The following MIXL1 variants were observed in gnomAD, a reference collection of about 807,000 sequenced individuals.
MIXL1 encodes the protein Mix paired-like homeobox, also known as homeobox protein MIXL1.
MIXL1 carries 9 observed loss-of-function variants against 9.3 expected under a neutral mutation model. That is an observed-to-expected ratio of 0.97 (90% CI 0.58 to 1.69). The LOEUF (loss-of-function observed/expected upper bound fraction) is 1.69. Among genes scored for constraint, MIXL1 ranks in the 40% most tolerant of loss-of-function variants. MIXL1 has a pLI of 0.00. For missense variants in MIXL1, 330 were observed against 331.7 expected, an observed-to-expected ratio of 0.99 and a Z score of 0.04; for synonymous variants, 164 against 155.6, an observed-to-expected ratio of 1.05 and a Z score of -0.40.
At chr1:226,225,385 A>T in intron 1 of MIXL1, 122 bp from the exon 2 acceptor site, 1 of 1,118,372 alleles carries the variant, frequency 8.9e-7, no homozygotes, top group Non-Finnish European at 1.3e-6. Context: ...CTTTCTGAAG[A>T]CAAGGCTCTG....
In MIXL1 at chr1:226,225,918, C is replaced by T. The variant is rs185129164; in HGVS notation, c.*106C>T. On this transcript the variant is annotated 3_prime_UTR_variant, in exon 2 of 2. Coordinates refer to ENST00000366810, the MANE Select transcript of MIXL1 (RefSeq NM_031944.3). ...CTGACTTCCATGCTAAGGACATGTC[C>T]TTGTTAACCTTGATGATGGTTTTGA... 4.8e-5 allele frequency: 44 copies of T among 914,016 alleles called. No individual in the cohort carries two copies. In the Middle Eastern group the frequency reaches 9.0e-4, roughly 19 times the overall value. 56.6% of individuals were successfully genotyped at this position (914,016 alleles called of 1,614,324 possible).
chr1:226,225,445 A>T (rs747863377), intron 1 of MIXL1, 62 bp from the exon 2 acceptor site: 490 of 1,565,120 alleles, frequency 3.1e-4, no homozygotes, highest in Non-Finnish European at 4.1e-4. Context: ...ATGAACTGTG[A>T]ACATAATGTT....
Position 226,223,745 on chromosome 1 carries a change from G to A in MIXL1, c.64G>A (p.Ala22Thr). 7.0e-7 allele frequency: 1 copy of A among 1,436,776 alleles called. No homozygotes were observed. The highest frequency in any genetic ancestry group is 9.1e-7 in the Non-Finnish European group (1 of 1,097,768). The allele number at this position is 1,436,776 out of a possible 1,614,324, so 89.0% of individuals were successfully genotyped here. A position where few individuals can be genotyped will look rare whatever the true frequency, so the allele number is the denominator to read the frequency against. The change falls in exon 1 of 2, where the codon GCC (alanine) becomes ACC (threonine). Residue 22 changes from alanine (A) to threonine (T), a missense_variant. Coordinates refer to ENST00000366810, the MANE Select transcript of MIXL1 (RefSeq NM_031944.3). ...AEGAAFPAYR[A>T]PHAGGALLPP... ...GGGCGCCGCGTTTCCAGCGTACCGGGCCCCCCACGCCGGCGGGGCGCTCCT... is the reference window on the plus strand; with the variant it reads ...GGGCGCCGCGTTTCCAGCGTACCGGACCCCCCACGCCGGCGGGGCGCTCCT...
At position 226,223,881 on chromosome 1, in the gene MIXL1, C is replaced by G. The variant is rs1348844684; in HGVS notation, c.200C>G (p.Pro67Arg). Residue 67 changes from proline (P) to arginine (R), a missense_variant, in exon 1 of 2, where the codon CCC (proline) becomes CGC (arginine). Pro to Arg is a moderately radical substitution (Grantham distance 103, BLOSUM62 -2). Coordinates refer to ENST00000366810, the MANE Select transcript of MIXL1 (RefSeq NM_031944.3). The stretch of plus-strand genomic sequence containing the variant: ...GACCCCGGGCCGGCCCCGCCGCCCC[C>G]CGCCAGCCTGGGCTCGCCTGCGCCC... ...GRDPGPAPPP[P>R]ASLGSPAPPK... 1.1e-5 allele frequency: 14 copies of G among 1,224,676 alleles called. No homozygotes were observed. Among genetic ancestry groups the G allele is most frequent in the Admixed American group, 4.3e-5 (1 of 23,252 alleles). 75.9% of individuals were successfully genotyped at this position (1,224,676 alleles called of 1,614,324 possible). A position where few individuals can be genotyped will look rare whatever the true frequency, so the allele number is the denominator to read the frequency against.
Position 226,223,774 on chromosome 1 carries a change from GC to G in MIXL1, c.98del (p.Pro33ArgfsTer139). On this transcript the variant is annotated frameshift_variant, in exon 1 of 2. Coordinates refer to ENST00000366810, the MANE Select transcript of MIXL1 (RefSeq NM_031944.3). LOFTEE classifies it high-confidence loss of function. ...CCCACGCCGGCGGGGCGCTCCTGCC[GC>G]CCCCGAGCCCTGCGGCAGCCCTGCT... is the stretch of plus-strand genomic sequence containing the variant. ...APHAGGALLP[P>X]PSPAAALLPA... is the part of the protein sequence containing the mutation. The G allele has an allele frequency of 6.5e-6, 9 of 1,393,424 alleles. No homozygotes were observed. Among genetic ancestry groups the G allele is most frequent in the Admixed American group, 3.0e-5 (1 of 33,700 alleles). 86.3% of individuals were successfully genotyped at this position (1,393,424 alleles called of 1,614,324 possible). A position where few individuals can be genotyped will look rare whatever the true frequency, so the allele number is the denominator to read the frequency against.
chr1:226,224,888 C>T (rs1354062958), intron 1 of MIXL1, among the ~76,000 whole-genome samples: 6 of 152,168 alleles, frequency 3.9e-5, no homozygotes, highest in African/African-American at 1.4e-4. Flanking sequence ...GATCCACCCG[C>T]CTCAAAGTGC....
intron 1 of MIXL1, among the ~76,000 whole-genome samples, chr1:226,224,776 A>G (rs1487767294): frequency 6.6e-6 from 1 of 152,120 alleles, no homozygotes; most frequent in Non-Finnish European, 1.5e-5. Flanking sequence ...AGTAGCTGAG[A>G]TTACAGGCGC....
Position 226,225,809 on chromosome 1 carries a change from T to G in MIXL1, c.696T>G (p.Phe232Leu), listed in dbSNP as rs1178004270. Residue 232 changes from phenylalanine to leucine, a missense_variant, in exon 2 of 2, where the codon TTT (phenylalanine) becomes TTG (leucine). Coordinates refer to ENST00000366810, the MANE Select transcript of MIXL1 (RefSeq NM_031944.3). ...ACATCTTTTCTGCCTTTGGTAACTT[T>G]TGAGGATTCTGGGAGAATTCGGGAT... is the stretch of plus-strand genomic sequence containing the variant. Reference protein sequence around the residue: ...EEHIFSAFGNF With the variant: ...EEHIFSAFGNL 6.2e-7 allele frequency: 1 copy of G among 1,607,700 alleles called. No homozygotes were observed.
chr1:226,225,481 A>C, intron 1 of MIXL1, 26 bp from the exon 2 acceptor site: 1 of 1,607,188 alleles, frequency 6.2e-7, no homozygotes, highest in Non-Finnish European at 8.5e-7. Flanking sequence ...AACCAAAAGC[A>C]GCTTTTATTT....
chr1:226,225,094 G>T (rs928078369), intron 1 of MIXL1, among the ~76,000 whole-genome samples: 2 of 152,154 alleles, frequency 1.3e-5, no homozygotes, highest in Admixed American at 6.6e-5. Flanking sequence ...CTGCACCCCT[G>T]GCGGTCATAC....
intron 1 of MIXL1, among the ~76,000 whole-genome samples, chr1:226,224,605 T>G (rs1657111820): frequency 6.6e-6 from 1 of 152,178 alleles, no homozygotes; most frequent in Non-Finnish European, 1.5e-5. Flanking sequence ...GTTTTCAGTT[T>G]GAAAAATCTA....
At chr1:226,225,369 C>CAAGT in intron 1 of MIXL1, 138 bp from the exon 2 acceptor site, 1 of 903,730 alleles carries the variant, frequency 1.1e-6, no homozygotes, top group Non-Finnish European at 1.7e-6. Flanking sequence ...ATCGTCAACC[C>CAAGT]AAGTGCTTTC....
In MIXL1 at chr1:226,225,645, G is replaced by A; in HGVS notation, c.532G>A (p.Glu178Lys). 4 of 1,614,196 alleles carry A rather than the reference G, an allele frequency of 2.5e-6. No homozygotes were observed. Among genetic ancestry groups the A allele is most frequent in the Non-Finnish European group, 3.4e-6 (4 of 1,180,026 alleles). Residue 178 changes from glutamate to lysine, a missense_variant, in exon 2 of 2, where the codon GAG becomes AAG. Glu to Lys is a moderately conservative substitution (Grantham distance 56). Transcript: ENST00000366810. ...TKCLKPQLPL[E>K]VDVNCLPEPN... ...ATGTCTGAAGCCCCAGCTGCCTCTT[G>A]AGGTAGATGTGAACTGCCTGCCCGA...
chr1:226,226,446 G>C lies in MIXL1; in HGVS notation c.*634G>C, dbSNP rs188917319. 6.6e-6 allele frequency: 1 copy of C among 152,110 alleles called. No individual in the cohort carries two copies. Among genetic ancestry groups the C allele is most frequent in the South Asian group, 2.1e-4 (1 of 4,830 alleles). The allele number at this position is 152,110 out of a possible 1,614,324, so 9.4% of individuals were successfully genotyped here. On this transcript the variant is annotated 3_prime_UTR_variant, in exon 2 of 2. Transcript: ENST00000366810. ...TGCAATCTCAGCACTTTGGGAGGCC[G>C]AGTGGGTGGATCACCTGAAGTCAGG...
In MIXL1 at chr1:226,223,887, G is replaced by A. The variant is rs1290121468; in HGVS notation, c.206G>A (p.Ser69Asn). The A allele has an allele frequency of 1.6e-6, 2 of 1,238,852 alleles. No homozygotes were observed. Among genetic ancestry groups the A allele is most frequent in the East Asian group, 3.3e-5 (1 of 30,494 alleles). The allele number at this position is 1,238,852 out of a possible 1,614,324, so 76.7% of individuals were successfully genotyped here. A position where few individuals can be genotyped will look rare whatever the true frequency, so the allele number is the denominator to read the frequency against. Residue 69 changes from serine to asparagine, a missense_variant, in exon 1 of 2, where the codon AGC becomes AAC. Transcript: ENST00000366810. Reference protein sequence around the residue: ...DPGPAPPPPASLGSPAPPKGA... With the variant: ...DPGPAPPPPANLGSPAPPKGA... Reference sequence around the variant, plus strand: ...GGGCCGGCCCCGCCGCCCCCCGCCAGCCTGGGCTCGCCTGCGCCCCCCAAA... The same window carrying A: ...GGGCCGGCCCCGCCGCCCCCCGCCAACCTGGGCTCGCCTGCGCCCCCCAAA...
Position 226,225,635 on chromosome 1 carries a change from G to C in MIXL1, c.522G>C (p.Gln174His), listed in dbSNP as rs376164738. The change falls in exon 2 of 2, where the codon CAG (glutamine) becomes CAC (histidine). Residue 174 changes from glutamine to histidine, a missense_variant. Physicochemically the swap from Gln to His is conservative, Grantham distance 24. Transcript: ENST00000366810. ...CTGAAACGAAATGTCTGAAGCCCCA[G>C]CTGCCTCTTGAGGTAGATGTGAACT... ...PGTETKCLKP[Q>H]LPLEVDVNCL... 1 of 1,614,196 alleles carries C rather than the reference G, an allele frequency of 6.2e-7. No homozygotes were observed. Among genetic ancestry groups the C allele is most frequent in the East Asian group, 2.2e-5 (1 of 44,880 alleles).
chr1:226,226,783 T>A lies in MIXL1; in HGVS notation c.*971T>A, dbSNP rs1657174394. 6.6e-6 allele frequency: 1 copy of A among 151,606 alleles called. No homozygotes were observed. Among genetic ancestry groups the A allele is most frequent in the Non-Finnish European group, 1.5e-5 (1 of 67,892 alleles). 9.4% of individuals were successfully genotyped at this position (151,606 alleles called of 1,614,324 possible). On this transcript the variant is annotated 3_prime_UTR_variant, in exon 2 of 2. Coordinates refer to ENST00000366810, the MANE Select transcript of MIXL1 (RefSeq NM_031944.3). ...TTACCCTCCCAGATAACTGATATCA[T>A]CCTTAGCCTGCAGGACAGCTATGCA...
In MIXL1 at chr1:226,224,002, G is replaced by A. The variant is rs1333850640; in HGVS notation, c.321G>A (p.Arg107=). The A allele has an allele frequency of 2.1e-6, 3 of 1,446,064 alleles. No individual in the cohort carries two copies. In the South Asian group the frequency reaches 4.4e-5, roughly 21 times the overall value. The allele number at this position is 1,446,064 out of a possible 1,614,324, so 89.6% of individuals were successfully genotyped here. A position where few individuals can be genotyped will look rare whatever the true frequency, so the allele number is the denominator to read the frequency against. ...QLQLLELVFR[R]TRYPDIHLRE... The stretch of plus-strand genomic sequence containing the variant: ...AGCTGCTGGAGCTCGTCTTCCGCCG[G>A]ACCCGGTACCCCGACATCCACTTGC... The change falls in exon 1 of 2, where the codon CGG becomes CGA. Residue 107 remains arginine (R), a synonymous_variant. Coordinates refer to ENST00000366810, the MANE Select transcript of MIXL1 (RefSeq NM_031944.3).
chr1:226,225,712 A>G lies in MIXL1; in HGVS notation c.599A>G (p.Gln200Arg). The change falls in exon 2 of 2, where the codon CAA (glutamine) becomes CGA (arginine). Residue 200 changes from glutamine to arginine, a missense_variant. Transcript: ENST00000366810. ...GGGGGCATCTCTGACTCTAGCTCCC[A>G]AGGTCAGAATTTTGAAACCTGTTCC... ...VGGGISDSSS[Q>R]GQNFETCSPL... 6.2e-7 allele frequency: 1 copy of G among 1,614,132 alleles called. No individual in the cohort carries two copies. Among genetic ancestry groups the G allele is most frequent in the Non-Finnish European group, 8.5e-7 (1 of 1,179,944 alleles).
Sources: gnomAD v4.1 joint callset for allele counts (sites outside exome capture counted in the v4.1 genomes callset) on GRCh38, gnomAD v4.1.1 for gene constraint, MANE v1.5 for transcripts, NCBI Gene and HGNC (gene_info 2026-07-23, HGNC 2026-07-21) for gene names.